Variants in VPS13B observed in about 807,000 individuals in gnomAD.
VPS13B encodes intermembrane lipid transfer protein VPS13B.
Under a neutral mutation model 426.4 loss-of-function variants are expected in VPS13B, and 285 were observed. The ratio of observed to expected loss-of-function variants is 0.67; its 90% confidence interval spans 0.61 to 0.74. VPS13B has a LOEUF of 0.74. Ranked by LOEUF, VPS13B falls within the 30% of genes least tolerant of loss-of-function variation. VPS13B has a pLI of 0.00. For synonymous variants in VPS13B, 1,676 were observed against 1,676.4 expected, an observed-to-expected ratio of 1.00 and a Z score of 0.01; for missense variants, 4,537 against 4,782.6, an observed-to-expected ratio of 0.95 and a Z score of 1.51.
intron 16 of VPS13B, among the ~76,000 whole-genome samples, chr8:99,188,110 A>G (rs1813325433): frequency 1.7e-5 from 2 of 117,352 alleles, no homozygotes; most frequent in Admixed American, 2.0e-4. Context: ...CAGTTTTGCT[A>G]AGAACAGAGT....
chr8:99,283,456 G>A (rs1452763882), intron 19 of VPS13B, among the ~76,000 whole-genome samples: 1 of 152,120 alleles, frequency 6.6e-6, no homozygotes, highest in Non-Finnish European at 1.5e-5. Context: ...ATGATTTCAT[G>A]CTCCTAGCAT....
rs1157467792 is a variant in VPS13B, at chr8:99,823,959, A to G, written c.9311A>G (p.Asn3104Ser). ...IFYKPQLSVC[N>S]PHSGKEYFRV... ...TATAAACCACAGCTATCTGTCTGCA[A>G]TCCCCATTCTGGAAAGGAGGTAAGC... The change falls in exon 51 of 62, where the codon AAT becomes AGT. Residue 3104 changes from asparagine to serine, a missense_variant. Asn to Ser is a conservative substitution (Grantham distance 46). This residue lies in a region of VPS13B where 4,311 missense variants were observed against 4,474.3 expected (regional missense o/e 0.96). Coordinates refer to ENST00000357162, the MANE Select transcript of VPS13B (RefSeq NM_152564.5). 1.9e-6 allele frequency: 3 copies of G among 1,612,838 alleles called. No individual in the cohort carries two copies. The highest frequency in any genetic ancestry group is 2.5e-6 in the Non-Finnish European group (3 of 1,179,866).
At position 99,096,505 on chromosome 8, in the gene VPS13B, C is replaced by T. The variant is rs567552880; in HGVS notation, c.412+73C>T. On this transcript the variant is annotated intron_variant, in intron 4 of 61. Transcript: ENST00000357162. ...GCATGGTGGCTCATGCCTGTAATCC[C>T]AGTGCTTTGGGGGGCTGAGGCGGGT... is the stretch of plus-strand genomic sequence containing the variant. The T allele has an allele frequency of 6.3e-6, 10 of 1,597,198 alleles. No homozygotes were observed. In the East Asian group the frequency reaches 1.6e-4, roughly 26 times the overall value.
chr8:99,680,133 A>G (rs1481529660), intron 35 of VPS13B, among the ~76,000 whole-genome samples: 1 of 152,240 alleles, frequency 6.6e-6, no homozygotes, highest in Non-Finnish European at 1.5e-5. Flanking sequence ...GTTTTCTTTC[A>G]TAAATGTTAT....
intron 3 of VPS13B, among the ~76,000 whole-genome samples, chr8:99,068,176 A>G (rs555941782): frequency 6.6e-6 from 1 of 152,308 alleles, no homozygotes; most frequent in South Asian, 2.1e-4. Context: ...GTCTTTCATT[A>G]GAACTGTTAA....
At chr8:99,289,931 G>A (rs953168531) in intron 19 of VPS13B, among the ~76,000 whole-genome samples, 5 of 152,038 alleles carry the variant, frequency 3.3e-5, no homozygotes, top group Admixed American at 6.6e-5. Context: ...AAAAGAAAAG[G>A]CAAACATTTT....
At chr8:99,597,069 A>G (rs10504993) in intron 33 of VPS13B, among the ~76,000 whole-genome samples, 17,840 of 152,144 alleles carry the variant, frequency 0.12, 1,758 homozygotes, top group East Asian at 0.39. Flanking sequence ...CAGTACGTCT[A>G]TAGTGACAAA....
Position 99,835,072 on chromosome 8 carries a change from CCT to C in VPS13B, c.9615-124_9615-123del, listed in dbSNP as rs140835924. The C allele has an allele frequency of 4.0e-5, 47 of 1,183,840 alleles. 2 individuals carry two copies. In the South Asian group the frequency reaches 4.9e-4, roughly 12 times the overall value. The allele number at this position is 1,183,840 out of a possible 1,614,324, so 73.3% of individuals were successfully genotyped here. On this transcript the variant is annotated intron_variant, in intron 52 of 61. Transcript: ENST00000357162. Reference sequence around the variant, plus strand: ...TACTGTTATCAGAAAAGGAATCTCCCCTGAGTTATAAAACAGATATTTTCGAG... The same window carrying C: ...TACTGTTATCAGAAAAGGAATCTCCCGAGTTATAAAACAGATATTTTCGAG...
intron 21 of VPS13B, among the ~76,000 whole-genome samples, chr8:99,415,815 T>TGCC (rs1222316551): frequency 7.2e-5 from 11 of 152,300 alleles, no homozygotes; most frequent in Admixed American, 2.6e-4. Flanking sequence ...ACCCACCAGA[T>TGCC]GCCAGCTGGA....
intron 2 of VPS13B, among the ~76,000 whole-genome samples, chr8:99,032,376 T>A (rs1842543306): frequency 6.6e-6 from 1 of 152,168 alleles, no homozygotes; most frequent in Admixed American, 6.5e-5. Flanking sequence ...GGATTTACAT[T>A]TATCATTTTG....
chr8:99,068,761 C>T (rs1204677113), intron 3 of VPS13B, among the ~76,000 whole-genome samples: 1 of 152,138 alleles, frequency 6.6e-6, no homozygotes, highest in East Asian at 1.9e-4. Context: ...CATGAGAACT[C>T]ACTCACTATC....
At chr8:99,679,731 A>C (rs753572036) in intron 35 of VPS13B, among the ~76,000 whole-genome samples, 4 of 152,154 alleles carry the variant, frequency 2.6e-5, no homozygotes, top group Non-Finnish European at 5.9e-5. Flanking sequence ...CAATGAAAGC[A>C]CATTAATCTC....
intron 16 of VPS13B, among the ~76,000 whole-genome samples, chr8:99,180,504 T>C (rs1588118648): frequency 6.6e-6 from 1 of 152,134 alleles, no homozygotes; most frequent in African/African-American, 2.4e-5. Context: ...TGGTGAGTAA[T>C]AAGAAAAATT....
intron 19 of VPS13B, among the ~76,000 whole-genome samples, chr8:99,337,410 GC>G (rs1810967512): frequency 6.6e-6 from 1 of 151,734 alleles, no homozygotes; most frequent in South Asian, 2.1e-4. Context: ...TATACCTAAT[GC>G]TAAATGACGA....
At chr8:99,600,598 T>C (rs544620540) in intron 33 of VPS13B, among the ~76,000 whole-genome samples, 12 of 152,254 alleles carry the variant, frequency 7.9e-5, no homozygotes, top group African/African-American at 2.6e-4. Context: ...CCCAGCATGG[T>C]AATCTCCTGT....
intron 58 of VPS13B, 136 bp from the exon 59 acceptor site, chr8:99,868,153 C>G: frequency 9.6e-7 from 1 of 1,037,132 alleles, no homozygotes; most frequent in Non-Finnish European, 1.4e-6. Flanking sequence ...AACTGGTAAA[C>G]AAATGGGTAG....
At chr8:99,234,161 C>T (rs1471358773) in intron 17 of VPS13B, 12 of 781,102 alleles carry the variant, frequency 1.5e-5, no homozygotes, top group Non-Finnish European at 2.4e-6. Flanking sequence ...GGGAGCTCAC[C>T]TCTTCATCCA....
At chr8:99,393,077 A>G (rs1420909982) in intron 21 of VPS13B, among the ~76,000 whole-genome samples, 4 of 149,334 alleles carry the variant, frequency 2.7e-5, no homozygotes, top group Non-Finnish European at 5.9e-5. Flanking sequence ...TCCATTAGTG[A>G]AAAAAAAATG....
intron 33 of VPS13B, among the ~76,000 whole-genome samples, chr8:99,605,325 A>G (rs1447384777): frequency 6.6e-6 from 1 of 152,230 alleles, no homozygotes; most frequent in South Asian, 2.1e-4. Flanking sequence ...TCAATTGTCT[A>G]TGAAACGACT....
Sources: allele counts gnomAD v4.1 joint callset (sites outside exome capture counted in the v4.1 genomes callset), GRCh38; gene constraint gnomAD v4.1.1; regional missense constraint gnomAD v4.1.1; transcripts MANE v1.5; gene names NCBI Gene and HGNC (gene_info 2026-07-23, HGNC 2026-07-21).